Variants in XPR1 observed in about 807,000 individuals in gnomAD.
XPR1 encodes the protein solute carrier family 53 member 1.
A neutral mutation model predicts 87.5 loss-of-function variants in XPR1; 28 were observed. That is an observed-to-expected ratio of 0.32 (90% CI 0.24 to 0.44). The LOEUF is 0.44. XPR1 is among the 20% of genes least tolerant of loss of function. XPR1 has a pLI of 1.00. For missense variants in XPR1, 559 were observed against 862.3 expected (o/e 0.65, Z 4.41); for synonymous variants, 300 against 306.1 (o/e 0.98, Z 0.21).
intron 2 of XPR1, among the ~76,000 whole-genome samples, chr1:180,754,650 C>T (rs1647659926): frequency 1.3e-5 from 2 of 151,802 alleles, no homozygotes; most frequent in Non-Finnish European, 2.9e-5. Flanking sequence ...TTTGTAGAGA[C>T]AGGGTTTCGC....
At chr1:180,714,960 G>A (rs1216529762) in intron 2 of XPR1, among the ~76,000 whole-genome samples, 1 of 152,128 alleles carries the variant, frequency 6.6e-6, no homozygotes, top group Non-Finnish European at 1.5e-5. Flanking sequence ...AATCCAAGAA[G>A]CTAAGATGGT....
chr1:180,813,402 A>T (rs1355086145), intron 7 of XPR1, among the ~76,000 whole-genome samples: 1 of 152,154 alleles, frequency 6.6e-6, no homozygotes, highest in African/African-American at 2.4e-5. Context: ...AAAATAATCT[A>T]TTCTGTCCCT....
At chr1:180,732,949 G>T (rs1462075841) in intron 2 of XPR1, among the ~76,000 whole-genome samples, 1 of 152,138 alleles carries the variant, frequency 6.6e-6, no homozygotes, top group African/African-American at 2.4e-5. Context: ...TTTTCCCCTG[G>T]TGTCTGGCCG....
At chr1:180,704,804 A>G (rs1473736820) in intron 2 of XPR1, among the ~76,000 whole-genome samples, 1 of 104,656 alleles carries the variant, frequency 9.6e-6, no homozygotes, top group African/African-American at 3.3e-5. Context: ...TTTTCCAGGG[A>G]CTGTTGGTTG....
intron 2 of XPR1, among the ~76,000 whole-genome samples, chr1:180,714,373 C>G (rs1427413233): frequency 7.3e-6 from 1 of 137,570 alleles, no homozygotes; most frequent in African/African-American, 3.0e-5. Context: ...CTCTCTCTCT[C>G]TCTCTCTCTC....
At chr1:180,883,861 T>C (rs1026743535) in intron 14 of XPR1, 145 bp from the exon 15 acceptor site, 2 of 606,778 alleles carry the variant, frequency 3.3e-6, no homozygotes, top group South Asian at 5.4e-5. Flanking sequence ...TAGGAAACTC[T>C]AGAATAATCC....
chr1:180,753,824 A>G (rs1465707517), intron 2 of XPR1, among the ~76,000 whole-genome samples: 1 of 152,186 alleles, frequency 6.6e-6, no homozygotes, highest in Admixed American at 6.5e-5. Context: ...ATTGGTGAAT[A>G]TGTGTTTTAA....
chr1:180,743,390 A>G lies in XPR1; in HGVS notation c.122-44363A>G, dbSNP rs978750555. Among the ~76,000 whole-genome samples, 7 of 152,214 alleles carry G rather than the reference A, an allele frequency of 4.6e-5. No homozygotes were observed. The South Asian group carries it at 8.3e-4, about 18-fold the overall frequency. Reference sequence around the variant, plus strand: ...AATATTTTACAATTTTGTATAGAACATAGAACCCTTTACACCAAATAGGTC... The same window carrying G: ...AATATTTTACAATTTTGTATAGAACGTAGAACCCTTTACACCAAATAGGTC... On this transcript the variant is annotated intron_variant, in intron 2 of 14. Coordinates refer to ENST00000367590, the MANE Select transcript of XPR1 (RefSeq NM_004736.4).
At chr1:180,820,284 T>C (rs906513286) in intron 7 of XPR1, among the ~76,000 whole-genome samples, 3 of 152,082 alleles carry the variant, frequency 2.0e-5, no homozygotes, top group Non-Finnish European at 4.4e-5. Flanking sequence ...CACTCTCCAT[T>C]CCCTCTCCTC....
At chr1:180,760,723 C>G (rs1457843841) in intron 2 of XPR1, among the ~76,000 whole-genome samples, 2 of 152,158 alleles carry the variant, frequency 1.3e-5, no homozygotes, top group African/African-American at 4.8e-5. Context: ...CCATCACCAT[C>G]AAGCTACCAA....
At chr1:180,691,320 T>G (rs1363817271) in intron 2 of XPR1, among the ~76,000 whole-genome samples, 2 of 152,140 alleles carry the variant, frequency 1.3e-5, no homozygotes, top group African/African-American at 4.8e-5. Flanking sequence ...TGTTAGAGGA[T>G]TTTTTGATAT....
chr1:180,749,028 G>T (rs1647406635), intron 2 of XPR1, among the ~76,000 whole-genome samples: 1 of 152,202 alleles, frequency 6.6e-6, no homozygotes, highest in South Asian at 2.1e-4. Context: ...GCGAGACCTT[G>T]TCTCTACTAA....
intron 3 of XPR1, among the ~76,000 whole-genome samples, chr1:180,795,217 C>A (rs746176884): frequency 8.5e-5 from 13 of 152,152 alleles, no homozygotes; most frequent in Middle Eastern, 3.2e-3. Flanking sequence ...CTTTGCCATT[C>A]TGAAGATAGC....
rs57210427 is a variant in XPR1, at chr1:180,813,894, A to G, written c.763+2406A>G. Among the ~76,000 whole-genome samples the G allele has an allele frequency of 3.2e-3, 486 of 152,330 alleles. 4 individuals carry two copies. The highest frequency in any genetic ancestry group is 0.011 in the African/African-American group (451 of 41,588). ...TGCAATTACTTTTGCATCAACCTGT[A>G]TGATTTAAAAATAGATGTCATTATT... is the stretch of plus-strand genomic sequence containing the variant. On this transcript the variant is annotated intron_variant, in intron 7 of 14. Transcript: ENST00000367590.
At chr1:180,663,998 A>C (rs1655872399) in intron 1 of XPR1, among the ~76,000 whole-genome samples, 1 of 152,096 alleles carries the variant, frequency 6.6e-6, no homozygotes, top group Non-Finnish European at 1.5e-5. Context: ...GTTTGTGGTG[A>C]ATGCTGCCAG....
chr1:180,844,879 T>C (rs905287862), intron 11 of XPR1, among the ~76,000 whole-genome samples: 1 of 152,110 alleles, frequency 6.6e-6, no homozygotes, highest in Non-Finnish European at 1.5e-5. Flanking sequence ...TCTGCTATCC[T>C]CCAAAGGCCA....
At chr1:180,767,358 A>T (rs1648326136) in intron 2 of XPR1, among the ~76,000 whole-genome samples, 1 of 152,218 alleles carries the variant, frequency 6.6e-6, no homozygotes, top group South Asian at 2.1e-4. Flanking sequence ...TGTTCATTAG[A>T]ATAGTAACAG....
chr1:180,725,891 C>G (rs1424444162), intron 2 of XPR1, among the ~76,000 whole-genome samples: 2 of 152,176 alleles, frequency 1.3e-5, no homozygotes, highest in Non-Finnish European at 2.9e-5. Context: ...TTAGTGCCCT[C>G]AACTATGACA....
intron 2 of XPR1, among the ~76,000 whole-genome samples, chr1:180,783,801 T>G (rs912846013): frequency 1.3e-5 from 2 of 151,966 alleles, no homozygotes; most frequent in Non-Finnish European, 2.9e-5. Flanking sequence ...AAACCTGTAA[T>G]CCCAGCACTT....
Sources: allele counts gnomAD v4.1 joint callset (sites outside exome capture counted in the v4.1 genomes callset), GRCh38; gene constraint gnomAD v4.1.1; transcripts MANE v1.5; gene names NCBI Gene and HGNC (gene_info 2026-07-23, HGNC 2026-07-21).